The following OR8B8 variants were observed in gnomAD, a reference collection of about 807,000 sequenced individuals.
OR8B8 encodes olfactory receptor 8B8.
A neutral mutation model predicts 10.5 loss-of-function variants in OR8B8; 8 were observed. The observed-to-expected ratio is 0.76, with a 90% CI of 0.45 to 1.38. The LOEUF (loss-of-function observed/expected upper bound fraction) is 1.38. OR8B8 is among the 40% of genes most tolerant of loss of function. The pLI is 0.00. For synonymous variants in OR8B8, 150 were observed against 145.2 expected (o/e 1.03, Z -0.24); for missense variants, 390 against 380.5 (o/e 1.03, Z -0.21).
chr11:124,442,432 G>A (rs1272022396), intron 1 of OR8B8, among the ~76,000 whole-genome samples: 1 of 152,112 alleles, frequency 6.6e-6, no homozygotes, highest in Non-Finnish European at 1.5e-5. Context: ...ATGCCACTCT[G>A]ATGGAGGACA....
In OR8B8 at chr11:124,438,390, A is replaced by T. The variant is rs1861426900; in HGVS notation, c.*1760T>A. 6.6e-6 allele frequency: 1 copy of T among 152,174 alleles called. No individual in the cohort carries two copies. The highest frequency in any genetic ancestry group is 6.5e-5 in the Admixed American group (1 of 15,274). 9.4% of individuals were successfully genotyped at this position (152,174 alleles called of 1,614,324 possible). A position where few individuals can be genotyped will look rare whatever the true frequency, so the allele number is the denominator to read the frequency against. ...AGGGCAACACTCTACATCCATCCAAACTTTACTTTTTCTAAATAGAAGAGA... is the reference window on the plus strand; with the variant it reads ...AGGGCAACACTCTACATCCATCCAATCTTTACTTTTTCTAAATAGAAGAGA... On this transcript the variant is annotated 3_prime_UTR_variant, in exon 3 of 3. Coordinates refer to ENST00000642064, the MANE Select transcript of OR8B8 (RefSeq NM_012378.2).
Position 124,440,865 on chromosome 11 carries a change from G to T in OR8B8, c.221C>A (p.Ser74Tyr), listed in dbSNP as rs267602760. The T allele has an allele frequency of 6.2e-6, 10 of 1,614,168 alleles. No homozygotes were observed. In the Admixed American group the frequency reaches 1.3e-4, roughly 22 times the overall value. The change falls in exon 3 of 3, where the codon TCC (serine) becomes TAC (tyrosine). Residue 74 changes from serine to tyrosine, a missense_variant. Ser to Tyr is a moderately radical substitution (Grantham distance 144). Transcript: ENST00000642064. ...CAGCATTTTGGGAGTGATAACACTG[G>T]AATAGCAGAAATCTATGAAGGACAA... ...YNLSFIDFCY[S>Y]SVITPKMLMS...
rs147504189 is a variant in OR8B8 at position 124,442,777 on chromosome 11, C to G, written c.-152-1154G>C. Reference sequence around the variant, plus strand: ...CCCTCTCTCGTGACAAAAGTCATCCCTTCTGTGTTCTAGCCTCTCAGAGCC... The same window carrying G: ...CCCTCTCTCGTGACAAAAGTCATCCGTTCTGTGTTCTAGCCTCTCAGAGCC... On this transcript the variant is annotated intron_variant, in intron 1 of 2. Coordinates refer to ENST00000642064, the MANE Select transcript of OR8B8 (RefSeq NM_012378.2). 2.7e-3 allele frequency among the ~76,000 whole-genome samples: 408 copies of G among 152,260 alleles called. 1 individual carries two copies. Among genetic ancestry groups the G allele is most frequent in the African/African-American group, 9.0e-3 (372 of 41,538 alleles).
rs1434626493 is a variant in OR8B8, at chr11:124,440,768, GAAAA to G, written c.314_317del (p.Leu105ProfsTer58). The G allele has an allele frequency of 1.4e-5, 22 of 1,614,036 alleles. No homozygotes were observed. Among genetic ancestry groups the G allele is most frequent in the Non-Finnish European group, 1.9e-5 (22 of 1,180,036 alleles). ...GGATGAAGGACTCAGAGACAACAAA[GAAAA>G]GAAAGAAGAAGAGCTGAGTCATACA... is the stretch of plus-strand genomic sequence containing the variant. On this transcript the variant is annotated frameshift_variant, in exon 3 of 3. Transcript: ENST00000642064. LOFTEE classifies it high-confidence loss of function.
At chr11:124,444,207 T>C (rs760848995) in intron 1 of OR8B8, among the ~76,000 whole-genome samples, 4 of 152,180 alleles carry the variant, frequency 2.6e-5, no homozygotes, top group Non-Finnish European at 5.9e-5. Context: ...CCTAAAACAG[T>C]ATTCGGATCA....
rs1327127434 is a variant in OR8B8 at position 124,440,574 on chromosome 11, T to C, written c.512A>G (p.Asn171Ser). The change falls in exon 3 of 3, where the codon AAT becomes AGT. Residue 171 changes from asparagine to serine, a missense_variant. Physicochemically the swap from Asn to Ser is conservative, Grantham distance 46. Coordinates refer to ENST00000642064, the MANE Select transcript of OR8B8 (RefSeq NM_012378.2). ...ACACATGTAGTGGTTGACAAGGTTA[T>C]TGGCACAGAAGGTCACACCCATCAT... ...ACMMGVTFCANNLVNHYMCDI... is the reference protein window; with the variant it reads ...ACMMGVTFCASNLVNHYMCDI... The C allele has an allele frequency of 1.9e-6, 3 of 1,614,074 alleles. No homozygotes were observed. Among genetic ancestry groups the C allele is most frequent in the South Asian group, 1.1e-5 (1 of 91,082 alleles).
chr11:124,443,342 G>A (rs533778927), intron 1 of OR8B8, among the ~76,000 whole-genome samples: 33 of 152,164 alleles, frequency 2.2e-4, no homozygotes, highest in Non-Finnish European at 3.4e-4. Context: ...CAGGAATTAC[G>A]TATGCAATGT....
At chr11:124,444,726 CAAAA>C (rs934107940) in intron 1 of OR8B8, among the ~76,000 whole-genome samples, 1 of 151,934 alleles carries the variant, frequency 6.6e-6, no homozygotes, top group Non-Finnish European at 1.5e-5. Context: ...GAGTGGTTGA[CAAAA>C]GAAAGAGCCC....
intron 2 of OR8B8, 31 bp from the exon 3 acceptor site, chr11:124,441,132 G>T (rs957957819): frequency 7.2e-7 from 1 of 1,381,174 alleles, no homozygotes; most frequent in South Asian, 1.3e-5. Flanking sequence ...GTTATTTAGA[G>T]AGAGAGAGAG....
chr11:124,440,725 C>T lies in OR8B8; in HGVS notation c.361G>A (p.Asp121Asn). The change falls in exon 3 of 3, where the codon GAC becomes AAC. Residue 121 changes from aspartate to asparagine, a missense_variant. Asp to Asn is a conservative substitution (Grantham distance 23, BLOSUM62 1). Transcript: ENST00000642064. Reference protein sequence around the residue: ...ESFILSAMAYDRYVAICNPLL... With the variant: ...ESFILSAMAYNRYVAICNPLL... ...GGGTTACAGATGGCCACATAGCGGT[C>T]ATACGCCATTGCTGACAGGATGAAG... 6.2e-7 allele frequency: 1 copy of T among 1,614,088 alleles called. No homozygotes were observed. Among genetic ancestry groups the T allele is most frequent in the Non-Finnish European group, 8.5e-7 (1 of 1,180,012 alleles).
chr11:124,440,905 A>C lies in OR8B8; in HGVS notation c.181T>G (p.Phe61Val). The C allele has an allele frequency of 6.2e-7, 1 of 1,614,166 alleles. No homozygotes were observed. Residue 61 changes from phenylalanine to valine, a missense_variant, in exon 3 of 3, where the codon TTC becomes GTC. Transcript: ENST00000642064. The part of the protein sequence containing the change: ...LNSHLHTPMY[F>V]FLYNLSFIDF... ...ATGAAGGACAAGTTATAGAGGAAGA[A>C]GTACATAGGGGTGTGCAAGTGAGAG...
Position 124,441,052 on chromosome 11 carries a change from A to T in OR8B8, c.34T>A (p.Phe12Ile). Reference protein sequence around the residue: ...AAENSSFVTQFILAGLTDQPG... With the variant: ...AAENSSFVTQIILAGLTDQPG... ...TGGTCAGTTAAGCCTGCGAGGATAA[A>T]CTGTGTCACGAAGGAGGAATTCTCA... The change falls in exon 3 of 3, where the codon TTT (phenylalanine) becomes ATT (isoleucine). Residue 12 changes from phenylalanine (F) to isoleucine (I), a missense_variant. Physicochemically the swap from Phe to Ile is conservative, Grantham distance 21. Coordinates refer to ENST00000642064, the MANE Select transcript of OR8B8 (RefSeq NM_012378.2). 6.2e-7 allele frequency: 1 copy of T among 1,612,614 alleles called. No homozygotes were observed. The highest frequency in any genetic ancestry group is 8.5e-7 in the Non-Finnish European group (1 of 1,179,902).
intron 2 of OR8B8, 91 bp from the exon 3 acceptor site, chr11:124,441,192 G>T: frequency 1.2e-6 from 1 of 838,232 alleles, no homozygotes; most frequent in Non-Finnish European, 1.8e-6. Flanking sequence ...AGAATAGGAG[G>T]CACACAGAGA....
chr11:124,441,939 T>C (rs1214553338), intron 1 of OR8B8, among the ~76,000 whole-genome samples: 3 of 152,206 alleles, frequency 2.0e-5, no homozygotes, highest in Non-Finnish European at 4.4e-5. Context: ...CTTGATAATA[T>C]TTGAATGGGC....
In OR8B8 at chr11:124,440,273, G is replaced by A. The variant is rs551083363; in HGVS notation, c.813C>T (p.Gly271=). 3.1e-6 allele frequency: 5 copies of A among 1,614,162 alleles called. No homozygotes were observed. Among genetic ancestry groups the A allele is most frequent in the African/African-American group, 2.7e-5 (2 of 75,028 alleles). Residue 271 remains glycine (G), a synonymous_variant, in exon 3 of 3, where the codon GGC becomes GGT. Transcript: ENST00000642064. ...TGGTATAGAATAGGGAAGACACCTT[G>A]CCCTGGTTCATAGCTAAAAGAGAAA... is the stretch of plus-strand genomic sequence containing the variant. ...KPFSLLAMNQ[G]KVSSLFYTTV...
Position 124,440,784 on chromosome 11 carries a change from A to C in OR8B8, c.302T>G (p.Leu101Arg). 6.2e-7 allele frequency: 1 copy of C among 1,614,200 alleles called. No homozygotes were observed. The highest frequency in any genetic ancestry group is 8.5e-7 in the Non-Finnish European group (1 of 1,180,034). The change falls in exon 3 of 3, where the codon CTC (leucine) becomes CGC (arginine). Residue 101 changes from leucine to arginine, a missense_variant. By Grantham distance (102) the Leu-to-Arg change is moderately radical. Coordinates refer to ENST00000642064, the MANE Select transcript of OR8B8 (RefSeq NM_012378.2). Reference protein sequence around the residue: ...SISYAGCMTQLFFFLFFVVSE... With the variant: ...SISYAGCMTQRFFFLFFVVSE... The stretch of plus-strand genomic sequence containing the variant: ...GACAACAAAGAAAAGAAAGAAGAAG[A>C]GCTGAGTCATACACCCTGCGTAGGA...
chr11:124,441,237 G>A, intron 2 of OR8B8, 136 bp from the exon 3 acceptor site: 1 of 638,118 alleles, frequency 1.6e-6, no homozygotes, highest in Non-Finnish European at 2.7e-6. Flanking sequence ...CTTTGCTGCG[G>A]CTCCCTCTGG....
Position 124,441,105 on chromosome 11 carries a change from TG to T in OR8B8, c.-16-5del. ...AGCCATTGTCATTTAAGGCATTCTG[TG>T]GGGACAAGGGAAAAAGTTATTTAGA... is the stretch of plus-strand genomic sequence containing the variant. On this transcript the variant is annotated splice_polypyrimidine_tract_variant and splice_region_variant and intron_variant, in intron 2 of 2. Coordinates refer to ENST00000642064, the MANE Select transcript of OR8B8 (RefSeq NM_012378.2). The T allele has an allele frequency of 6.3e-7, 1 of 1,588,640 alleles. No individual in the cohort carries two copies. Among genetic ancestry groups the T allele is most frequent in the Admixed American group, 1.7e-5 (1 of 59,218 alleles).
In OR8B8 at chr11:124,440,887, A is replaced by G; in HGVS notation, c.199T>C (p.Ser67Pro). The G allele has an allele frequency of 3.7e-6, 6 of 1,614,172 alleles. No individual in the cohort carries two copies. The South Asian group carries it at 4.4e-5, about 12-fold the overall frequency. The part of the protein sequence containing the change: ...TPMYFFLYNL[S>P]FIDFCYSSVI... ...CTGGAATAGCAGAAATCTATGAAGG[A>G]CAAGTTATAGAGGAAGAAGTACATA... The change falls in exon 3 of 3, where the codon TCC becomes CCC. Residue 67 changes from serine (S) to proline (P), a missense_variant. Ser to Pro is a moderately conservative substitution (Grantham distance 74). Transcript: ENST00000642064.
Sources: gnomAD v4.1 joint callset for allele counts (sites outside exome capture counted in the v4.1 genomes callset) on GRCh38, gnomAD v4.1.1 for gene constraint, MANE v1.5 for transcripts, NCBI Gene and HGNC (gene_info 2026-07-23, HGNC 2026-07-21) for gene names.